The following TLE4 variants were observed in gnomAD, a reference collection of about 807,000 sequenced individuals.
The protein encoded by TLE4 is TLE family member 4, transcriptional corepressor.
Under a neutral mutation model 92.8 loss-of-function variants are expected in TLE4, and 8 were observed. The ratio of observed to expected loss-of-function variants is 0.09; its 90% CI spans 0.05 to 0.16. The LOEUF (loss-of-function observed/expected upper bound fraction) is 0.16. TLE4 is among the 10% of genes least tolerant of loss of function. TLE4 has a pLI of 1.00. For synonymous variants in TLE4, 371 were observed against 374.1 expected (o/e 0.99, Z 0.10); for missense variants, 675 against 997.6 (o/e 0.68, Z 4.36).
intron 8 of TLE4, among the ~76,000 whole-genome samples, chr9:79,679,815 A>C (rs930988490): frequency 4.0e-4 from 61 of 152,248 alleles, no homozygotes; most frequent in African/African-American, 1.5e-3. Context: ...GAAGGGATCC[A>C]GTTTCAGCTT....
intron 4 of TLE4, among the ~76,000 whole-genome samples, chr9:79,586,169 G>T (rs941274009): frequency 6.6e-6 from 1 of 152,150 alleles, no homozygotes; most frequent in African/African-American, 2.4e-5. Context: ...TCAGGAGATC[G>T]AGACTGTCCT....
chr9:79,659,806 A>G (rs1450595665), intron 8 of TLE4, among the ~76,000 whole-genome samples: 1 of 152,176 alleles, frequency 6.6e-6, no homozygotes, highest in East Asian at 1.9e-4. Flanking sequence ...TATTTTTAAA[A>G]TCATATTTTA....
intron 5 of TLE4, among the ~76,000 whole-genome samples, chr9:79,624,035 G>A (rs1005195083): frequency 5.3e-5 from 8 of 151,976 alleles, no homozygotes; most frequent in African/African-American, 1.5e-4. Context: ...TGGGTGGAGT[G>A]GGAAGAGAGG....
At chr9:79,717,117 C>T (rs2074650471) in intron 14 of TLE4, among the ~76,000 whole-genome samples, 1 of 152,178 alleles carries the variant, frequency 6.6e-6, no homozygotes, top group Non-Finnish European at 1.5e-5. Context: ...ATTCTTCTTT[C>T]CGTCCCCTTA....
chr9:79,580,192 C>T (rs1480365566), intron 4 of TLE4: 1 of 152,210 alleles, frequency 6.6e-6, no homozygotes, highest in African/African-American at 2.4e-5. Flanking sequence ...TATTAATTTA[C>T]CATGCTCGAC....
chr9:79,683,222 T>G (rs1051116062), intron 8 of TLE4, among the ~76,000 whole-genome samples: 1 of 152,240 alleles, frequency 6.6e-6, no homozygotes, highest in Non-Finnish European at 1.5e-5. Context: ...ATTGATTCTT[T>G]CCTTCTCCAT....
chr9:79,572,153 A>G lies in TLE4; in HGVS notation c.-638A>G, dbSNP rs929609438. ...TAATCCCCTTCAATTTGGGGTTAAA[A>G]AAAAGACAAGAAAACAGGAAGGAAG... On this transcript the variant is annotated 5_prime_UTR_variant, in exon 1 of 20. Coordinates refer to ENST00000376552, the MANE Select transcript of TLE4 (RefSeq NM_007005.6). 3.3e-5 allele frequency: 5 copies of G among 152,184 alleles called. No individual in the cohort carries two copies. Among genetic ancestry groups the G allele is most frequent in the Admixed American group, 1.3e-4 (2 of 15,288 alleles). 9.4% of individuals were successfully genotyped at this position (152,184 alleles called of 1,614,324 possible).
intron 8 of TLE4, among the ~76,000 whole-genome samples, chr9:79,689,072 T>C (rs2066485546): frequency 6.7e-6 from 1 of 149,260 alleles, no homozygotes. Flanking sequence ...CACTACTCCA[T>C]TTTCCTATAT....
At chr9:79,588,350 A>G (rs1020381492) in intron 4 of TLE4, among the ~76,000 whole-genome samples, 34 of 152,046 alleles carry the variant, frequency 2.2e-4, no homozygotes, top group African/African-American at 7.5e-4. Context: ...GGGTTTCACC[A>G]TGTTGGCCAG....
chr9:79,591,756 A>C (rs2042572533), intron 4 of TLE4, among the ~76,000 whole-genome samples: 1 of 152,140 alleles, frequency 6.6e-6, no homozygotes, highest in African/African-American at 2.4e-5. Context: ...GCCCTAAGAC[A>C]TTGATGTCTG....
intron 4 of TLE4, among the ~76,000 whole-genome samples, chr9:79,600,705 C>T (rs965616518): frequency 1.3e-5 from 2 of 152,152 alleles, no homozygotes; most frequent in Non-Finnish European, 2.9e-5. Context: ...ATAGCCTGTT[C>T]TCTCTAGGGG....
chr9:79,635,783 T>C (rs1373301854), intron 6 of TLE4, among the ~76,000 whole-genome samples: 1 of 152,184 alleles, frequency 6.6e-6, no homozygotes, highest in Non-Finnish European at 1.5e-5. Flanking sequence ...GCTTTCATTA[T>C]TGATGTTCTC....
At chr9:79,721,682 A>G in intron 16 of TLE4, 59 bp from the exon 17 acceptor site, 1 of 1,608,036 alleles carries the variant, frequency 6.2e-7, no homozygotes. Context: ...GGAATTCTAA[A>G]TTGATTTTAA....
At chr9:79,704,608 C>T (rs1213026310) in intron 8 of TLE4, 175 bp from the exon 9 acceptor site, 2 of 767,482 alleles carry the variant, frequency 2.6e-6, no homozygotes, top group African/African-American at 1.8e-5. Context: ...TTGTCTTTCC[C>T]TTTATATCCC....
At chr9:79,606,330 G>A (rs916438603) in intron 4 of TLE4, among the ~76,000 whole-genome samples, 3 of 111,688 alleles carry the variant, frequency 2.7e-5, no homozygotes, top group African/African-American at 1.3e-4. Context: ...TTCCAGTCAG[G>A]CTTTTTTTTT....
intron 4 of TLE4, among the ~76,000 whole-genome samples, chr9:79,588,791 G>A (rs896123251): frequency 6.6e-6 from 1 of 152,152 alleles, no homozygotes; most frequent in African/African-American, 2.4e-5. Flanking sequence ...GGAGGTTCTT[G>A]GCTGGGTTTG....
At chr9:79,640,439 C>G (rs542221108) in intron 6 of TLE4, among the ~76,000 whole-genome samples, 2 of 151,476 alleles carry the variant, frequency 1.3e-5, no homozygotes, top group Non-Finnish European at 2.9e-5. Context: ...TTTTTCACTC[C>G]GCCTATCTTC....
chr9:79,603,347 T>C (rs1192714091), intron 4 of TLE4, among the ~76,000 whole-genome samples: 1 of 152,132 alleles, frequency 6.6e-6, no homozygotes, highest in Non-Finnish European at 1.5e-5. Flanking sequence ...ATTGTCTGTT[T>C]TTGAGAAAAT....
At chr9:79,622,063 C>A (rs142995093) in intron 5 of TLE4, among the ~76,000 whole-genome samples, 2 of 152,210 alleles carry the variant, frequency 1.3e-5, no homozygotes, top group African/African-American at 4.8e-5. Flanking sequence ...AATAACATCT[C>A]ATTTCCTACC....
Sources: allele counts gnomAD v4.1 joint callset (sites outside exome capture counted in the v4.1 genomes callset), GRCh38; gene constraint gnomAD v4.1.1; transcripts MANE v1.5; gene names NCBI Gene and HGNC (gene_info 2026-07-23, HGNC 2026-07-21).